The following TRIO variants were observed in gnomAD, a reference collection of about 807,000 sequenced individuals.
The protein encoded by TRIO is trio Rho guanine nucleotide exchange factor.
TRIO carries 58 observed loss-of-function variants against 351.9 expected under a neutral mutation model. The ratio of observed to expected loss-of-function variants is 0.16; its 90% CI spans 0.13 to 0.21. The LOEUF (loss-of-function observed/expected upper bound fraction) is 0.21, where lower values mean the gene tolerates loss of function less well. TRIO is among the 10% of genes least tolerant of loss of function. The pLI is 1.00. For synonymous variants in TRIO, 1,758 were observed against 1,595.7 expected, an observed-to-expected ratio of 1.10 and a Z score of -2.42; for missense variants, 3,201 against 4,027.8, an observed-to-expected ratio of 0.79 and a Z score of 5.56.
At chr5:14,209,710 G>C (rs1791763503) in intron 1 of TRIO, among the ~76,000 whole-genome samples, 2 of 152,210 alleles carry the variant, frequency 1.3e-5, no homozygotes. Context: ...TTGAGGTTGT[G>C]CAGCACACTT....
At chr5:14,169,299 G>T (rs1788964194) in intron 1 of TRIO, among the ~76,000 whole-genome samples, 1 of 151,020 alleles carries the variant, frequency 6.6e-6, no homozygotes, top group African/African-American at 2.4e-5. Flanking sequence ...ACAGTACCAA[G>T]AGTCGTATTT....
At chr5:14,202,876 G>A (rs1195073136) in intron 1 of TRIO, among the ~76,000 whole-genome samples, 2 of 151,428 alleles carry the variant, frequency 1.3e-5, no homozygotes, top group East Asian at 3.9e-4. Flanking sequence ...AAATTACCCA[G>A]TCTCGTGTAT....
intron 1 of TRIO, among the ~76,000 whole-genome samples, chr5:14,160,804 C>T (rs1478303969): frequency 6.6e-6 from 1 of 152,208 alleles, no homozygotes; most frequent in South Asian, 2.1e-4. Flanking sequence ...GAATTATTCT[C>T]AGATCTCCTT....
At chr5:14,397,894 G>C (rs1243752290) in intron 29 of TRIO, among the ~76,000 whole-genome samples, 1 of 152,086 alleles carries the variant, frequency 6.6e-6, no homozygotes, top group Non-Finnish European at 1.5e-5. Flanking sequence ...CAGGACCCAG[G>C]CTGTGTTCCA....
At chr5:14,181,681 G>A (rs905287517) in intron 1 of TRIO, among the ~76,000 whole-genome samples, 4 of 152,186 alleles carry the variant, frequency 2.6e-5, no homozygotes, top group African/African-American at 9.7e-5. Flanking sequence ...TCCTGAAAAC[G>A]CTGGCTGCCC....
intron 18 of TRIO, among the ~76,000 whole-genome samples, chr5:14,370,672 T>C (rs1439265236): frequency 1.3e-5 from 2 of 152,194 alleles, no homozygotes; most frequent in Non-Finnish European, 2.9e-5. Context: ...TGATTTTCTT[T>C]TTAAGCAAGC....
intron 9 of TRIO, among the ~76,000 whole-genome samples, chr5:14,327,455 C>A (rs1047587643): frequency 3.3e-5 from 5 of 152,166 alleles, no homozygotes; most frequent in Non-Finnish European, 7.3e-5. Context: ...TGAGCCACCG[C>A]GCCTGGCCAG....
In TRIO at chr5:14,487,740, C is replaced by A; in HGVS notation, c.7112C>A (p.Thr2371Asn). Residue 2371 changes from threonine to asparagine, a missense_variant, in exon 48 of 57, where the codon ACC (threonine) becomes AAC (asparagine). Thr to Asn is a moderately conservative substitution (Grantham distance 65, BLOSUM62 0). Around this residue, in one of 19 missense-constraint regions of TRIO, gnomAD observed 1,089 missense variants for 954.9 expected, o/e 1.14. Coordinates refer to ENST00000344204, the MANE Select transcript of TRIO (RefSeq NM_007118.4). ...AEADKMSGTS[T>N]PGPSLPPPGA... ...GCAGACAAGATGTCAGGTACGTCCA[C>A]CCCCGGGCCCTCCCTGCCTCCCCCT... The A allele has an allele frequency of 7.1e-7, 1 of 1,409,422 alleles. No individual in the cohort carries two copies. The highest frequency in any genetic ancestry group is 9.3e-7 in the Non-Finnish European group (1 of 1,075,522). 87.3% of individuals were successfully genotyped at this position (1,409,422 alleles called of 1,614,324 possible). A position where few individuals can be genotyped will look rare whatever the true frequency, so the allele number is the denominator to read the frequency against.
In TRIO at chr5:14,419,765, C is replaced by T. The variant is rs370683804; in HGVS notation, c.4960-13C>T. ...ACTGGCTGACCTGTCCTCTCTTCCT[C>T]TGTTCCCCCCAGCTCTCTGGTGGCT... On this transcript the variant is annotated splice_polypyrimidine_tract_variant and intron_variant, in intron 33 of 56. Transcript: ENST00000344204. 1.8e-5 allele frequency: 29 copies of T among 1,613,678 alleles called. No homozygotes were observed. The highest frequency in any genetic ancestry group is 2.4e-5 in the Non-Finnish European group (28 of 1,179,798).
Position 14,215,601 on chromosome 5 carries a change from G to C in TRIO, c.158-55224G>C, listed in dbSNP as rs538928225. 3.3e-5 allele frequency among the ~76,000 whole-genome samples: 5 copies of C among 152,214 alleles called. No individual in the cohort carries two copies. The East Asian group carries it at 9.6e-4, about 29-fold the overall frequency. ...TTAAGTTTCTTTAGTTCCAAGATTTGATGATTCCACAAAGTTTGAGATCTT... is the reference window on the plus strand; with the variant it reads ...TTAAGTTTCTTTAGTTCCAAGATTTCATGATTCCACAAAGTTTGAGATCTT... On this transcript the variant is annotated intron_variant, in intron 1 of 56. Coordinates refer to ENST00000344204, the MANE Select transcript of TRIO (RefSeq NM_007118.4).
Position 14,399,501 on chromosome 5 carries a change from T to C in TRIO, c.4614+431T>C, listed in dbSNP as rs139237995. The C allele has an allele frequency of 2.0e-3, 374 of 191,236 alleles. 4 individuals carry two copies. The highest frequency in any genetic ancestry group is 2.8e-3 in the Non-Finnish European group (261 of 93,934). The allele number at this position is 191,236 out of a possible 1,614,324, so 11.8% of individuals were successfully genotyped here. A position where few individuals can be genotyped will look rare whatever the true frequency, so the allele number is the denominator to read the frequency against. Reference sequence around the variant, plus strand: ...CATTTAAAAATAAATGTATGAAATATAAGTGCATGAGTAAATTTATGGTTG... The same window carrying C: ...CATTTAAAAATAAATGTATGAAATACAAGTGCATGAGTAAATTTATGGTTG... On this transcript the variant is annotated intron_variant, in intron 30 of 56. Coordinates refer to ENST00000344204, the MANE Select transcript of TRIO (RefSeq NM_007118.4).
rs1736838801 is a variant in TRIO, at chr5:14,290,795, A to T, written c.620A>T (p.Glu207Val). Reference sequence around the variant, plus strand: ...ACTCCTGAGTTTGATGGCTGCCTGGAATACAACCACGAAGAATGGATTGAA... The same window carrying T: ...ACTCCTGAGTTTGATGGCTGCCTGGTATACAACCACGAAGAATGGATTGAA... The part of the protein sequence containing the change: ...QLTPEFDGCL[E>V]YNHEEWIEIR... The change falls in exon 5 of 57, where the codon GAA becomes GTA. Residue 207 changes from glutamate to valine, a missense_variant. By Grantham distance (121) the Glu-to-Val change is moderately radical. Around this residue, in one of 19 missense-constraint regions of TRIO, gnomAD observed 3 missense variants for 20.3 expected, o/e 0.15. Coordinates refer to ENST00000344204, the MANE Select transcript of TRIO (RefSeq NM_007118.4). 1.2e-6 allele frequency: 2 copies of T among 1,614,010 alleles called. No individual in the cohort carries two copies. Among genetic ancestry groups the T allele is most frequent in the African/African-American group, 1.3e-5 (1 of 74,880 alleles).
intron 1 of TRIO, among the ~76,000 whole-genome samples, chr5:14,153,017 G>A (rs939191627): frequency 3.9e-5 from 6 of 152,180 alleles, no homozygotes; most frequent in African/African-American, 1.4e-4. Flanking sequence ...GTTTATTAGG[G>A]CCAGCCTCAA....
chr5:14,430,008 T>C (rs1227880157), intron 34 of TRIO, among the ~76,000 whole-genome samples: 1 of 152,120 alleles, frequency 6.6e-6, no homozygotes, highest in Non-Finnish European at 1.5e-5. Context: ...GACATCGGGC[T>C]GGGATCAGTT....
At chr5:14,293,281 C>T in intron 6 of TRIO, 147 bp downstream of exon 6, 1 of 1,139,684 alleles carries the variant, frequency 8.8e-7, no homozygotes, top group Non-Finnish European at 1.2e-6. Context: ...AGGGTGTTCC[C>T]TAGGGTTCCA....
chr5:14,305,901 A>G (rs1460732891), intron 8 of TRIO, among the ~76,000 whole-genome samples: 1 of 152,248 alleles, frequency 6.6e-6, no homozygotes, highest in Non-Finnish European at 1.5e-5. Flanking sequence ...AGATACACAA[A>G]TACTTAGCAT....
chr5:14,360,997 T>C (rs561169726), intron 13 of TRIO, among the ~76,000 whole-genome samples: 1 of 152,338 alleles, frequency 6.6e-6, no homozygotes, highest in Non-Finnish European at 1.5e-5. Context: ...GGGCCTGCCA[T>C]GTCCTCCCCA....
intron 21 of TRIO, among the ~76,000 whole-genome samples, chr5:14,383,444 G>A (rs1021278930): frequency 6.6e-6 from 1 of 152,202 alleles, no homozygotes; most frequent in African/African-American, 2.4e-5. Context: ...ATGGTGGCCT[G>A]CTCCACTAAT....
Position 14,508,126 on chromosome 5 carries a change from A to G in TRIO, c.8998A>G (p.Thr3000Ala). The change falls in exon 57 of 57, where the codon ACC becomes GCC. Residue 3000 changes from threonine to alanine, a missense_variant. Physicochemically the swap from Thr to Ala is moderately conservative, Grantham distance 58 (BLOSUM62 0). Coordinates refer to ENST00000344204, the MANE Select transcript of TRIO (RefSeq NM_007118.4). ...SPFLDDSVEETCLNICRLDFS... is the reference protein window; with the variant it reads ...SPFLDDSVEEACLNICRLDFS... ...CTTCCTGGATGACAGTGTGGAAGAG[A>G]CCTGCCTGAACATTTGCCGCTTAGA... 1 of 1,614,160 alleles carries G rather than the reference A, an allele frequency of 6.2e-7. No homozygotes were observed. The highest frequency in any genetic ancestry group is 8.5e-7 in the Non-Finnish European group (1 of 1,180,030).
Sources: allele counts gnomAD v4.1 joint callset (sites outside exome capture counted in the v4.1 genomes callset), GRCh38; gene constraint gnomAD v4.1.1; regional missense constraint gnomAD v4.1.1; transcripts MANE v1.5; gene names NCBI Gene and HGNC (gene_info 2026-07-23, HGNC 2026-07-21).